RNF152: variants seen among roughly 807,000 people sequenced by gnomAD.
RNF152 encodes the protein ring finger protein 152, also known as E3 ubiquitin-protein ligase RNF152.
In RNF152, 11 loss-of-function variants were observed where a neutral mutation model predicts 12.7. The observed-to-expected ratio is 0.86, with a 90% confidence interval of 0.54 to 1.43. The LOEUF (loss-of-function observed/expected upper bound fraction) is 1.43. RNF152 is among the 40% of genes most tolerant of loss of function. The pLI is 0.00. For missense variants in RNF152, 255 were observed against 274.8 expected, an observed-to-expected ratio of 0.93 and a Z score of 0.51; for synonymous variants, 113 against 120.3, an observed-to-expected ratio of 0.94 and a Z score of 0.40.
intron 1 of RNF152, among the ~76,000 whole-genome samples, chr18:61,818,625 C>T (rs1909230173): frequency 6.6e-6 from 1 of 152,190 alleles, no homozygotes; most frequent in Non-Finnish European, 1.5e-5. Context: ...AACTACATAG[C>T]TATCCACTAA....
rs140668780 is a variant in RNF152, at chr18:61,826,307, C to T, written c.-135-9709G>A. Among the ~76,000 whole-genome samples, 24 of 152,284 alleles carry T rather than the reference C, an allele frequency of 1.6e-4. No individual in the cohort carries two copies. The East Asian group carries it at 4.6e-3, about 29-fold the overall frequency. ...TTTCCAGGAGAGAAACAAAGAGAAACCCACCATAAATCCCCTCTTCAGGGT... is the reference window on the plus strand; with the variant it reads ...TTTCCAGGAGAGAAACAAAGAGAAATCCACCATAAATCCCCTCTTCAGGGT... On this transcript the variant is annotated intron_variant, in intron 1 of 1. Coordinates refer to ENST00000312828, the MANE Select transcript of RNF152 (RefSeq NM_173557.3).
At chr18:61,843,214 G>C (rs1308689329) in intron 1 of RNF152, among the ~76,000 whole-genome samples, 1 of 152,114 alleles carries the variant, frequency 6.6e-6, no homozygotes, top group African/African-American at 2.4e-5. Context: ...TTCAACTCGT[G>C]CACACCCTAC....
At chr18:61,854,572 G>C (rs1911134319) in intron 1 of RNF152, among the ~76,000 whole-genome samples, 1 of 152,192 alleles carries the variant, frequency 6.6e-6, no homozygotes, top group South Asian at 2.1e-4. Flanking sequence ...AGGGCTGGGA[G>C]GTGGTATTTG....
chr18:61,835,844 T>C, intron 1 of RNF152, among the ~76,000 whole-genome samples: 1 of 152,204 alleles, frequency 6.6e-6, no homozygotes, highest in Non-Finnish European at 1.5e-5. Flanking sequence ...ATTCTGAAAC[T>C]AGTTTGTATA....
chr18:61,875,789 C>T (rs1181592533), intron 1 of RNF152, among the ~76,000 whole-genome samples: 1 of 152,114 alleles, frequency 6.6e-6, no homozygotes, highest in Non-Finnish European at 1.5e-5. Flanking sequence ...TTGATTCACC[C>T]TCCCATTCCT....
At chr18:61,856,073 A>C (rs532937289) in intron 1 of RNF152, among the ~76,000 whole-genome samples, 1 of 152,130 alleles carries the variant, frequency 6.6e-6, no homozygotes, top group African/African-American at 2.4e-5. Flanking sequence ...CAGGGTTCTC[A>C]TCTGCAAGGG....
chr18:61,810,156 C>T lies in RNF152; in HGVS notation c.*5696G>A, dbSNP rs561162033. On this transcript the variant is annotated 3_prime_UTR_variant, in exon 2 of 2. Transcript: ENST00000312828. The stretch of plus-strand genomic sequence containing the variant: ...GTTAGTTTGACATAATGTATGCAGC[C>T]CATAGCAACAGTTAAGAAATTAGCA... The T allele has an allele frequency of 3.3e-5, 5 of 152,096 alleles. No homozygotes were observed. The highest frequency in any genetic ancestry group is 7.4e-5 in the Non-Finnish European group (5 of 68,020). 9.4% of individuals were successfully genotyped at this position (152,096 alleles called of 1,614,324 possible).
intron 1 of RNF152, among the ~76,000 whole-genome samples, chr18:61,844,094 G>GAAAGAAAGAAAGAAAGAAAGAA (rs1555702321): frequency 0.016 from 1,711 of 110,284 alleles, 28 homozygotes; most frequent in Non-Finnish European, 0.024. Flanking sequence ...AAGAAAGAAA[G>GAAAGAAAGAAAGAAAGAAAGAA]AAAGAAAGAA....
At chr18:61,868,062 G>T (rs1911819422) in intron 1 of RNF152, among the ~76,000 whole-genome samples, 1 of 152,172 alleles carries the variant, frequency 6.6e-6, no homozygotes. Flanking sequence ...TTAGAAAGCT[G>T]TCTGAGGAGA....
In RNF152 at chr18:61,816,566, A is replaced by C; in HGVS notation, c.-103T>G. On this transcript the variant is annotated 5_prime_UTR_variant, in exon 2 of 2. It removes the in-frame stop codon of an upstream open reading frame in the 5' UTR. Coordinates refer to ENST00000312828, the MANE Select transcript of RNF152 (RefSeq NM_173557.3). ...TTGCAGTGCAGGTAATGGCAAGCTC[A>C]CAGGCATCCAGTACTCACAGGTGTG... The C allele has an allele frequency of 1.9e-4, 239 of 1,243,314 alleles. No individual in the cohort carries two copies. The highest frequency in any genetic ancestry group is 2.5e-4 in the Non-Finnish European group (218 of 885,440). The allele number at this position is 1,243,314 out of a possible 1,614,324, so 77.0% of individuals were successfully genotyped here.
rs1909056020 is a variant in RNF152, at chr18:61,815,988, C to T, written c.476G>A (p.Gly159Asp). ...EAVEEEQDRRGVVKSSTWSGV... is the reference protein window; with the variant it reads ...EAVEEEQDRRDVVKSSTWSGV... ...CGACCAGGTGGAGCTTTTCACCACG[C>T]CCCGCCTGTCCTGCTCCTCCTCCAC... is the stretch of plus-strand genomic sequence containing the variant. The change falls in exon 2 of 2, where the codon GGC becomes GAC. Residue 159 changes from glycine to aspartate, a missense_variant. Physicochemically the swap from Gly to Asp is moderately conservative, Grantham distance 94. Transcript: ENST00000312828. The T allele has an allele frequency of 1.9e-6, 3 of 1,614,098 alleles. No individual in the cohort carries two copies. Among genetic ancestry groups the T allele is most frequent in the South Asian group, 2.2e-5 (2 of 91,068 alleles).
intron 1 of RNF152, among the ~76,000 whole-genome samples, chr18:61,837,313 G>A (rs1012972083): frequency 2.0e-5 from 3 of 152,154 alleles, no homozygotes; most frequent in Admixed American, 2.0e-4. Flanking sequence ...AGGATTGAGT[G>A]GGGAAAATGC....
chr18:61,883,533 A>G (rs1418643790), intron 1 of RNF152, among the ~76,000 whole-genome samples: 1 of 152,180 alleles, frequency 6.6e-6, no homozygotes, highest in Non-Finnish European at 1.5e-5. Flanking sequence ...TTAGATCTCT[A>G]CAAAGCCTGC....
chr18:61,863,688 T>C (rs1395741564), intron 1 of RNF152, among the ~76,000 whole-genome samples: 1 of 152,180 alleles, frequency 6.6e-6, no homozygotes, highest in East Asian at 1.9e-4. Context: ...TAGCATGCTG[T>C]ACAAAGTGCG....
chr18:61,844,806 T>C (rs1910675188), intron 1 of RNF152, among the ~76,000 whole-genome samples: 1 of 151,996 alleles, frequency 6.6e-6, no homozygotes, highest in African/African-American at 2.4e-5. Context: ...AGGTGCAAAA[T>C]GCATTTTAAC....
chr18:61,832,847 T>C (rs900221356), intron 1 of RNF152, among the ~76,000 whole-genome samples: 11 of 152,258 alleles, frequency 7.2e-5, no homozygotes, highest in African/African-American at 2.7e-4. Context: ...AGTAATTAGA[T>C]GACAATACAT....
At chr18:61,855,056 A>G (rs1911158162) in intron 1 of RNF152, among the ~76,000 whole-genome samples, 1 of 152,228 alleles carries the variant, frequency 6.6e-6, no homozygotes, top group African/African-American at 2.4e-5. Flanking sequence ...TGGTGGGGAG[A>G]GGGAACTGCT....
chr18:61,854,924 T>C (rs1441615238), intron 1 of RNF152, among the ~76,000 whole-genome samples: 2 of 152,248 alleles, frequency 1.3e-5, no homozygotes, highest in South Asian at 2.1e-4. Context: ...TACATGATTT[T>C]CCTGAACTAC....
intron 1 of RNF152, among the ~76,000 whole-genome samples, chr18:61,818,894 G>A (rs887476750): frequency 6.6e-6 from 1 of 152,134 alleles, no homozygotes; most frequent in African/African-American, 2.4e-5. Context: ...CCTAGAGATG[G>A]GAGCGCTAAG....
Sources: allele counts gnomAD v4.1 joint callset (sites outside exome capture counted in the v4.1 genomes callset), GRCh38; gene constraint gnomAD v4.1.1; transcripts MANE v1.5; gene names NCBI Gene and HGNC (gene_info 2026-07-23, HGNC 2026-07-21).